NOL4L: variants seen among roughly 807,000 people sequenced by gnomAD.
NOL4L encodes nucleolar protein 4 like.
A neutral mutation model predicts 64.5 loss-of-function variants in NOL4L; 7 were observed. That is an observed-to-expected ratio of 0.11 (90% CI 0.06 to 0.20). The LOEUF is 0.20. Ranked by LOEUF, NOL4L falls within the 10% of genes least tolerant of loss-of-function variation. The probability of loss-of-function intolerance (pLI) is 1.00; values close to 1 mark genes in which losing one functional copy is unlikely to be tolerated. For synonymous variants in NOL4L, 413 were observed against 401.0 expected (o/e 1.03, Z -0.36); for missense variants, 680 against 967.1 (o/e 0.70, Z 3.94).
intron 5 of NOL4L, among the ~76,000 whole-genome samples, chr20:32,468,900 CAAAAA>C (rs555969764): frequency 5.2e-5 from 5 of 95,304 alleles, no homozygotes; most frequent in Admixed American, 2.2e-4. Context: ...GACTCCATCT[CAAAAA>C]AAAAAAAAAA....
chr20:32,543,052 TTA>T (rs1168420319), intron 1 of NOL4L, among the ~76,000 whole-genome samples: 5 of 152,246 alleles, frequency 3.3e-5, no homozygotes, highest in Non-Finnish European at 7.4e-5. Flanking sequence ...CTAGTGATCA[TTA>T]CCATGTCGAG....
chr20:32,568,062 C>G (rs1222400552), intron 1 of NOL4L, among the ~76,000 whole-genome samples: 2 of 152,148 alleles, frequency 1.3e-5, no homozygotes, highest in African/African-American at 4.8e-5. Context: ...CCATCATCAC[C>G]ATCATCACCA....
chr20:32,456,488 G>A (rs1304765808), intron 5 of NOL4L, 93 bp from the exon 6 acceptor site: 2 of 1,260,736 alleles, frequency 1.6e-6, no homozygotes, highest in South Asian at 2.3e-5. Flanking sequence ...CTCCTCATGA[G>A]TGTCCCTGGG....
At position 32,464,427 on chromosome 20, in the gene NOL4L, CCCTCCTGAGCGCCCAGCTCTGT is replaced by C. The variant is rs2014367088; in HGVS notation, c.842-8054_842-8033del. 6.6e-6 allele frequency among the ~76,000 whole-genome samples: 1 copy of C among 152,208 alleles called. No individual in the cohort carries two copies. Among genetic ancestry groups the C allele is most frequent in the African/African-American group, 2.4e-5 (1 of 41,450 alleles). ...CAGGCCCCAGCTGCCTGCACAGCTGCCCTCCTGAGCGCCCAGCTCTGTCCCTGTGGTTCACACAGCCTGGCCC... is the reference window on the plus strand; with the variant it reads ...CAGGCCCCAGCTGCCTGCACAGCTGCCCCTGTGGTTCACACAGCCTGGCCC... On this transcript the variant is annotated intron_variant, in intron 5 of 10. Coordinates refer to ENST00000621426, the MANE Select transcript of NOL4L (RefSeq NM_001256798.2). This position sits in a 1 kb window ranked among gnomAD's most constrained non-coding sequence, Gnocchi z 5.6.
intron 1 of NOL4L, among the ~76,000 whole-genome samples, chr20:32,571,138 T>A (rs1434089100): frequency 6.6e-6 from 1 of 152,214 alleles, no homozygotes; most frequent in East Asian, 1.9e-4. Context: ...TGGCCACTTA[T>A]CAGGTCCTAG....
chr20:32,537,240 G>A (rs1248656913), intron 1 of NOL4L: 2 of 468,802 alleles, frequency 4.3e-6, no homozygotes, highest in Admixed American at 6.4e-5. Flanking sequence ...GCGCAGCGGG[G>A]TGTGGCCATT....
intron 4 of NOL4L, among the ~76,000 whole-genome samples, chr20:32,476,093 C>G (rs954852736): frequency 6.6e-6 from 1 of 152,028 alleles, no homozygotes; most frequent in African/African-American, 2.4e-5. Flanking sequence ...CACACACAGG[C>G]ACACGCACTC....
intron 1 of NOL4L, among the ~76,000 whole-genome samples, chr20:32,529,202 G>A (rs894926267): frequency 2.0e-5 from 3 of 152,174 alleles, no homozygotes; most frequent in Admixed American, 1.3e-4. Context: ...ACTGTGCTTC[G>A]AGCTTCAGGC....
At chr20:32,560,558 A>G (rs1380906451) in intron 1 of NOL4L, among the ~76,000 whole-genome samples, 1 of 152,268 alleles carries the variant, frequency 6.6e-6, no homozygotes, top group Non-Finnish European at 1.5e-5. Flanking sequence ...AATATGTGGC[A>G]GGCACTGTGC....
At chr20:32,491,863 C>T (rs2016482669) in intron 4 of NOL4L, among the ~76,000 whole-genome samples, 1 of 152,214 alleles carries the variant, frequency 6.6e-6, no homozygotes, top group Non-Finnish European at 1.5e-5. Context: ...CACCCATAAT[C>T]CCAGCACTTT....
intron 1 of NOL4L, among the ~76,000 whole-genome samples, chr20:32,528,289 C>T (rs1347113780): frequency 6.6e-6 from 1 of 152,192 alleles, no homozygotes; most frequent in East Asian, 1.9e-4. Context: ...TAGATGCGGC[C>T]CCATCAGGAG....
At chr20:32,496,374 C>A (rs1376505355) in intron 4 of NOL4L, among the ~76,000 whole-genome samples, 2 of 152,082 alleles carry the variant, frequency 1.3e-5, no homozygotes. Flanking sequence ...CCCCAAATTT[C>A]CTCCTTTTGC....
rs184903688 is a variant in NOL4L at position 32,530,397 on chromosome 20, C to T, written c.322-2484G>A. Among the ~76,000 whole-genome samples the T allele has an allele frequency of 2.5e-4, 38 of 152,152 alleles. 1 individual carries two copies. The highest frequency in any genetic ancestry group is 9.8e-4 in the Admixed American group (15 of 15,282). ...TCTACTAAAAATACAAAAAATTAGC[C>T]GGGCATGGTGGCGGGAGCCTGTAGT... On this transcript the variant is annotated intron_variant, in intron 1 of 10. Transcript: ENST00000621426.
chr20:32,514,493 G>C (rs62208008), intron 3 of NOL4L, among the ~76,000 whole-genome samples: 1 of 141,360 alleles, frequency 7.1e-6, no homozygotes, highest in African/African-American at 2.5e-5. Flanking sequence ...TCCGTCCCAA[G>C]GAAAAAAAAA....
chr20:32,546,459 T>C (rs2018735258), intron 1 of NOL4L, among the ~76,000 whole-genome samples: 1 of 152,116 alleles, frequency 6.6e-6, no homozygotes, highest in African/African-American at 2.4e-5. Context: ...ATTTATTTTT[T>C]GAGATGGAGT....
intron 3 of NOL4L, among the ~76,000 whole-genome samples, chr20:32,516,844 C>G (rs2017688256): frequency 6.6e-6 from 1 of 152,246 alleles, no homozygotes; most frequent in African/African-American, 2.4e-5. Flanking sequence ...AGTGGACAAC[C>G]TGCCTACTGA....
At chr20:32,488,847 C>CTT (rs1407463706) in intron 4 of NOL4L, among the ~76,000 whole-genome samples, 1 of 66,224 alleles carries the variant, frequency 1.5e-5, no homozygotes, top group Non-Finnish European at 2.6e-5. Flanking sequence ...TTCTTTCTTT[C>CTT]TTTCTTTCTT....
At chr20:32,571,740 G>A (rs911245653) in intron 1 of NOL4L, among the ~76,000 whole-genome samples, 1 of 152,190 alleles carries the variant, frequency 6.6e-6, no homozygotes, top group Admixed American at 6.5e-5. Flanking sequence ...CTGGCCACAC[G>A]TCTGCTCTTG....
chr20:32,483,403 G>T, intron 4 of NOL4L: 2 of 986,588 alleles, frequency 2.0e-6, no homozygotes, highest in South Asian at 4.6e-5. Flanking sequence ...CGGGATCCGC[G>T]AGTGAGCGGG....
Sources: allele counts gnomAD v4.1 joint callset (sites outside exome capture counted in the v4.1 genomes callset), GRCh38; gene constraint gnomAD v4.1.1; non-coding constraint Gnocchi (gnomAD v3.1); transcripts MANE v1.5; gene names NCBI Gene and HGNC (gene_info 2026-07-23, HGNC 2026-07-21).